The following MASP1 variants were observed in gnomAD, a reference collection of about 807,000 sequenced individuals.
MASP1 encodes the protein mannan-binding lectin serine protease 1.
MASP1 carries 59 observed loss-of-function variants against 77.1 expected under a neutral mutation model. The observed-to-expected ratio is 0.77, with a 90% CI of 0.62 to 0.95. MASP1 has a LOEUF of 0.95. Among genes scored for constraint, MASP1 ranks in the 40% least tolerant of loss-of-function variants. The pLI, the probability that MASP1 is intolerant of heterozygous loss-of-function variation, is 0.00. For synonymous variants in MASP1, 362 were observed against 354.5 expected (o/e 1.02, Z -0.24); for missense variants, 885 against 912.9 (o/e 0.97, Z 0.39).
chr3:187,276,189 G>A (rs116202985), intron 2 of MASP1, among the ~76,000 whole-genome samples: 2,854 of 151,906 alleles, frequency 0.019, 33 homozygotes, highest in Non-Finnish European at 0.029. Context: ...CTCTCAATGA[G>A]CACCATATTT....
chr3:187,226,177 C>G, intron 12 of MASP1: 1 of 553,328 alleles, frequency 1.8e-6, no homozygotes, highest in South Asian at 2.0e-5. Context: ...GAGGCCTCCT[C>G]ATTTTATCGT....
intron 11 of MASP1, chr3:187,226,578 T>C: frequency 1.6e-6 from 2 of 1,222,154 alleles, no homozygotes; most frequent in Non-Finnish European, 2.4e-6. Context: ...CCTCCCTCTG[T>C]CTTGAGCTGA....
chr3:187,236,505 C>T lies in MASP1; in HGVS notation c.1366G>A (p.Ala456Thr). The change falls in exon 11 of 11, where the codon GCT becomes ACT. Residue 456 changes from alanine to threonine, a missense_variant. Transcript: ENST00000296280. ...LVKRIIGGRN[A>T]EPGLFPWQAL... ...TGCCACGGGAAGAGGCCAGGCTCAG[C>T]ATTTCGGCCCCCAATGATCCTCTTG... 6.2e-7 allele frequency: 1 copy of T among 1,614,012 alleles called. No homozygotes were observed. The highest frequency in any genetic ancestry group is 8.5e-7 in the Non-Finnish European group (1 of 1,179,972).
intron 1 of MASP1, 65 bp downstream of exon 1, chr3:187,291,563 C>A: frequency 2.5e-6 from 4 of 1,605,516 alleles, no homozygotes; most frequent in Non-Finnish European, 3.4e-6. Context: ...CAAGGTCAGA[C>A]CTTCCCTGCT....
chr3:187,246,593 C>T (rs1167645632), intron 8 of MASP1: 1 of 985,528 alleles, frequency 1.0e-6, no homozygotes, highest in Admixed American at 6.1e-5. Flanking sequence ...GCTGCCACTC[C>T]CCAGCCCTTT....
In MASP1 at chr3:187,236,570, G is replaced by C. The variant is rs1348235627; in HGVS notation, c.1304-3C>G. On this transcript the variant is annotated splice_region_variant and splice_polypyrimidine_tract_variant and intron_variant, in intron 10 of 10. Transcript: ENST00000296280. ...GGAGCGGGAGGGCTGACCACACTCT[G>C]TAAGGAGAAAGAGGGAGCAGGGACA... 1 of 1,613,854 alleles carries C rather than the reference G, an allele frequency of 6.2e-7. No individual in the cohort carries two copies. The highest frequency in any genetic ancestry group is 1.3e-5 in the African/African-American group (1 of 75,054).
At chr3:187,273,378 T>A (rs1402745) in intron 2 of MASP1, among the ~76,000 whole-genome samples, 17,497 of 152,180 alleles carry the variant, frequency 0.11, 1,344 homozygotes, top group African/African-American at 0.22. Context: ...ATCAAAAGGG[T>A]ACTCTTAAGT....
intron 5 of MASP1, among the ~76,000 whole-genome samples, chr3:187,254,134 A>G (rs913994243): frequency 1.3e-5 from 2 of 152,184 alleles, no homozygotes; most frequent in African/African-American, 4.8e-5. Flanking sequence ...GGGGACTAAT[A>G]AGAAATAATA....
intron 8 of MASP1, among the ~76,000 whole-genome samples, chr3:187,245,516 G>T (rs1470161240): frequency 6.6e-6 from 1 of 152,136 alleles, no homozygotes; most frequent in Non-Finnish European, 1.5e-5. Context: ...AGGTAGAGGG[G>T]GTGATAAATA....
At chr3:187,254,110 T>G (rs1365193413) in intron 5 of MASP1, among the ~76,000 whole-genome samples, 1 of 152,136 alleles carries the variant, frequency 6.6e-6, no homozygotes, top group Non-Finnish European at 1.5e-5. Context: ...TCAAAGAACC[T>G]GCAGTCTAGT....
intron 9 of MASP1, 167 bp downstream of exon 9, chr3:187,243,317 C>T: frequency 2.7e-6 from 2 of 734,062 alleles, no homozygotes; most frequent in Non-Finnish European, 2.4e-6. Context: ...GTAACACAAG[C>T]TCATGAAAAG....
downstream of MASP1, chr3:187,229,988 A>G (rs1712673305): frequency 2.7e-6 from 4 of 1,460,084 alleles, no homozygotes; most frequent in South Asian, 2.5e-5. Flanking sequence ...CCTGTTAGGA[A>G]CATCTATTAT....
Position 187,236,538 on chromosome 3 carries a change from T to C in MASP1, c.1333A>G (p.Ser445Gly), listed in dbSNP as rs750184892. ...CCCCCAATGATCCTCTTGACCAGGCTTGGCAGGGAGCGGGAGGGCTGACCA... is the reference window on the plus strand; with the variant it reads ...CCCCCAATGATCCTCTTGACCAGGCCTGGCAGGGAGCGGGAGGGCTGACCA... Reference protein sequence around the residue: ...ECGQPSRSLPSLVKRIIGGRN... With the variant: ...ECGQPSRSLPGLVKRIIGGRN... Residue 445 changes from serine (S) to glycine (G), a missense_variant, in exon 11 of 11, where the codon AGC becomes GGC. By Grantham distance (56) the Ser-to-Gly change is moderately conservative (BLOSUM62 0). Transcript: ENST00000296280. 19 of 1,613,954 alleles carry C rather than the reference T, an allele frequency of 1.2e-5. No individual in the cohort carries two copies. The highest frequency in any genetic ancestry group is 1.6e-5 in the Non-Finnish European group (19 of 1,179,960).
At chr3:187,258,673 G>T (rs1715308114) in intron 4 of MASP1, among the ~76,000 whole-genome samples, 1 of 152,158 alleles carries the variant, frequency 6.6e-6, no homozygotes, top group Admixed American at 6.5e-5. Context: ...TAAACTTACA[G>T]ATTTGTAATC....
At chr3:187,246,352 A>C in intron 8 of MASP1, 2 of 984,338 alleles carry the variant, frequency 2.0e-6, no homozygotes, top group Non-Finnish European at 2.4e-6. Context: ...AATGCTGTTA[A>C]TACGTTGTAG....
In MASP1 at chr3:187,243,667, TC is replaced by T. The variant is rs369791248; in HGVS notation, c.1091-47del. ...CCCCTCAACTGCCTTTTGCTCATCC[TC>T]CTTTGGCTATCTGATGGATCTATCT... is the stretch of plus-strand genomic sequence containing the variant. On this transcript the variant is annotated intron_variant, in intron 8 of 10. Coordinates refer to ENST00000296280, the MANE Select transcript of MASP1 (RefSeq NM_139125.4). 1.9e-4 allele frequency: 314 copies of T among 1,611,516 alleles called. 1 individual carries two copies. In the Middle Eastern group the frequency reaches 6.6e-3, roughly 34 times the overall value.
chr3:187,259,691 C>A (rs1056853649), intron 4 of MASP1, among the ~76,000 whole-genome samples: 1 of 152,116 alleles, frequency 6.6e-6, no homozygotes, highest in African/African-American at 2.4e-5. Context: ...AAATCCTGCA[C>A]GTGCCTGTTC....
intron 2 of MASP1, among the ~76,000 whole-genome samples, chr3:187,267,519 G>C (rs976323278): frequency 2.0e-5 from 3 of 152,176 alleles, no homozygotes; most frequent in African/African-American, 7.2e-5. Flanking sequence ...CTCACTGAAG[G>C]CTGTTTTGTA....
chr3:187,243,979 C>T (rs1259833121), intron 8 of MASP1: 1 of 307,968 alleles, frequency 3.2e-6, no homozygotes, highest in Non-Finnish European at 6.2e-6. Context: ...CTCTCTGCCT[C>T]TTCTGCCCAA....
Sources: allele counts gnomAD v4.1 joint callset (sites outside exome capture counted in the v4.1 genomes callset), GRCh38; gene constraint gnomAD v4.1.1; transcripts MANE v1.5; gene names NCBI Gene and HGNC (gene_info 2026-07-23, HGNC 2026-07-21).